The following THADA variants were observed in gnomAD, a reference collection of about 807,000 sequenced individuals.
The protein encoded by THADA is tRNA (32-2'-O)-methyltransferase regulator THADA.
In THADA, 213 loss-of-function variants were observed where a neutral mutation model predicts 219.8. That is an observed-to-expected ratio of 0.97 (90% CI 0.87 to 1.09). The LOEUF (loss-of-function observed/expected upper bound fraction) is 1.09, where lower values mean the gene tolerates loss of function less well. Ranked by LOEUF, THADA falls within the 50% of genes least tolerant of loss-of-function variation. The probability of loss-of-function intolerance (pLI) is 0.00; values close to 1 mark genes in which losing one functional copy is unlikely to be tolerated. For synonymous variants in THADA, 1,018 were observed against 828.9 expected, an observed-to-expected ratio of 1.23 and a Z score of -3.92; for missense variants, 2,956 against 2,311.3, an observed-to-expected ratio of 1.28 and a Z score of -5.72.
chr2:43,409,636 G>C (rs1010824534), intron 28 of THADA, among the ~76,000 whole-genome samples: 1 of 152,006 alleles, frequency 6.6e-6, no homozygotes, highest in Non-Finnish European at 1.5e-5. Flanking sequence ...TTTTCTTGCT[G>C]CAATTTAATT....
chr2:43,379,378 T>C lies in THADA; in HGVS notation c.4227+18593A>G, dbSNP rs546630431. On this transcript the variant is annotated intron_variant, in intron 29 of 37. Transcript: ENST00000405975. ...AAGAAGCAAAGAGAAATGTGATAAATAGAAAATGTGAAATAATAGAACCAA... is the reference window on the plus strand; with the variant it reads ...AAGAAGCAAAGAGAAATGTGATAAACAGAAAATGTGAAATAATAGAACCAA... 8.3e-4 allele frequency among the ~76,000 whole-genome samples: 126 copies of C among 152,090 alleles called. 1 individual carries two copies. The South Asian group carries it at 8.3e-3, about 10-fold the overall frequency.
In THADA at chr2:43,551,906, C is replaced by T. The variant is rs751092248; in HGVS notation, c.2830G>A (p.Glu944Lys). The change falls in exon 19 of 38, where the codon GAG (glutamate) becomes AAG (lysine). Residue 944 changes from glutamate to lysine, a missense_variant. Physicochemically the swap from Glu to Lys is moderately conservative, Grantham distance 56. Transcript: ENST00000405975. Reference protein sequence around the residue: ...LSLNSLQLVSEWRPVVEKLLL... With the variant: ...LSLNSLQLVSKWRPVVEKLLL... ...AGCTTCTCTACCACAGGTCTCCACT[C>T]GCTCACCAACTGCAGGCTGCTGCAA... The T allele has an allele frequency of 2.1e-5, 34 of 1,613,218 alleles. No homozygotes were observed. The South Asian group carries it at 2.6e-4, about 13-fold the overall frequency.
At chr2:43,534,995 C>A (rs1405694730) in intron 21 of THADA, among the ~76,000 whole-genome samples, 1 of 152,026 alleles carries the variant, frequency 6.6e-6, no homozygotes, top group Non-Finnish European at 1.5e-5. Flanking sequence ...CTCCACATTC[C>A]TGCCATCATT....
At chr2:43,566,160 A>G in intron 15 of THADA, 1 of 348,420 alleles carries the variant, frequency 2.9e-6, no homozygotes, top group Non-Finnish European at 5.2e-6. Flanking sequence ...TCAAAGAGGG[A>G]ACTGAAATTT....
At chr2:43,415,724 T>C (rs1327155030) in intron 28 of THADA, among the ~76,000 whole-genome samples, 1 of 152,010 alleles carries the variant, frequency 6.6e-6, no homozygotes, top group Non-Finnish European at 1.5e-5. Context: ...CCGAGGTTCA[T>C]ATCTAGGGCC....
Position 43,292,790 on chromosome 2 carries a change from A to G in THADA, c.4818+44T>C. The stretch of plus-strand genomic sequence containing the variant: ...TACCATTCCAGTGGCTCACAAAAGA[A>G]TGTGGGGAGTGTAAAGGGCCAGTCA... On this transcript the variant is annotated intron_variant, in intron 32 of 37. Coordinates refer to ENST00000405975, the MANE Select transcript of THADA (RefSeq NM_022065.5). 2.5e-6 allele frequency: 4 copies of G among 1,576,782 alleles called. No individual in the cohort carries two copies. In the Middle Eastern group the frequency reaches 6.8e-4, roughly 268 times the overall value.
chr2:43,590,724 C>A, intron 4 of THADA, 100 bp downstream of exon 4: 2 of 1,206,664 alleles, frequency 1.7e-6, no homozygotes, highest in Non-Finnish European at 2.3e-6. Flanking sequence ...TTTTTGTGAT[C>A]TGTATCAGTT....
Position 43,592,319 on chromosome 2 carries a change from T to G in THADA, c.74A>C (p.Lys25Thr), listed in dbSNP as rs780683695. 6.2e-7 allele frequency: 1 copy of G among 1,600,874 alleles called. No homozygotes were observed. Among genetic ancestry groups the G allele is most frequent in the Admixed American group, 1.7e-5 (1 of 57,796 alleles). ...TICHQDLETL[K>T]SFADVEGKNL... ...AAGGGAAACCAGAAGTCACCTACAT[T>G]TCAAAGTTTCAAGGTCCTGATGGCA... The change falls in exon 2 of 38, where the codon AAA (lysine) becomes ACA (threonine). Residue 25 changes from lysine (K) to threonine (T), a missense_variant and splice_region_variant. By Grantham distance (78) the Lys-to-Thr change is moderately conservative. Transcript: ENST00000405975.
chr2:43,575,971 G>A (rs1699814868), intron 10 of THADA, among the ~76,000 whole-genome samples: 1 of 152,200 alleles, frequency 6.6e-6, no homozygotes, highest in African/African-American at 2.4e-5. Flanking sequence ...CAGAAATGTT[G>A]ATAAGGATCA....
At chr2:43,455,245 T>A (rs576395626) in intron 26 of THADA, among the ~76,000 whole-genome samples, 218 of 152,326 alleles carry the variant, frequency 1.4e-3, no homozygotes, top group Non-Finnish European at 1.9e-3. Context: ...TCATATTTTT[T>A]AATTTTCTAA....
chr2:43,460,120 C>T (rs1683450159), intron 26 of THADA, among the ~76,000 whole-genome samples: 1 of 151,508 alleles, frequency 6.6e-6, no homozygotes. Flanking sequence ...ACTGTCAAGG[C>T]ATAATCCCAC....
chr2:43,448,760 C>G (rs912302850), intron 26 of THADA, among the ~76,000 whole-genome samples: 1 of 151,734 alleles, frequency 6.6e-6, no homozygotes, highest in East Asian at 1.9e-4. Flanking sequence ...TCAGGCAGAC[C>G]CCCTGACACA....
chr2:43,549,909 C>T (rs990069652), intron 19 of THADA, among the ~76,000 whole-genome samples: 2 of 152,170 alleles, frequency 1.3e-5, no homozygotes, highest in East Asian at 3.8e-4. Flanking sequence ...AACCCATCAA[C>T]AGCAAAAACA....
At chr2:43,448,194 A>T (rs1315863884) in intron 26 of THADA, among the ~76,000 whole-genome samples, 1 of 152,248 alleles carries the variant, frequency 6.6e-6, no homozygotes, top group Non-Finnish European at 1.5e-5. Flanking sequence ...CTGCACTGGC[A>T]GAATGGGTCT....
chr2:43,508,189 A>G (rs946778857), intron 23 of THADA, among the ~76,000 whole-genome samples: 9 of 152,158 alleles, frequency 5.9e-5, no homozygotes, highest in African/African-American at 2.2e-4. Flanking sequence ...GTCAGCTACT[A>G]TTATGATCAT....
At chr2:43,331,741 G>A (rs1178791373) in intron 30 of THADA, among the ~76,000 whole-genome samples, 5 of 151,862 alleles carry the variant, frequency 3.3e-5, no homozygotes, top group East Asian at 1.9e-4. Context: ...CTGCTCTACC[G>A]CCCATCTCAA....
intron 34 of THADA, among the ~76,000 whole-genome samples, chr2:43,287,975 G>A (rs558997584): frequency 2.0e-5 from 3 of 152,224 alleles, no homozygotes; most frequent in African/African-American, 7.2e-5. Context: ...GAGCAAACAG[G>A]TGGGACCCTA....
rs554564098 is a variant in THADA at position 43,546,791 on chromosome 2, T to C, written c.3106+2419A>G. 1.5e-4 allele frequency among the ~76,000 whole-genome samples: 23 copies of C among 152,348 alleles called. No individual in the cohort carries two copies. In the South Asian group the frequency reaches 3.9e-3, roughly 26 times the overall value. ...CTGCACATGAGATGGGTTTCCTGAA[T>C]ACAGCACACTGATGGGTCTTGACTC... On this transcript the variant is annotated intron_variant, in intron 20 of 37. Coordinates refer to ENST00000405975, the MANE Select transcript of THADA (RefSeq NM_022065.5).
chr2:43,504,265 A>C (rs1201964313), intron 24 of THADA, among the ~76,000 whole-genome samples: 1 of 152,150 alleles, frequency 6.6e-6, no homozygotes, highest in Non-Finnish European at 1.5e-5. Context: ...TTTTTTAAAG[A>C]AATAAAGACA....
Sources: gnomAD v4.1 joint callset for allele counts (sites outside exome capture counted in the v4.1 genomes callset) on GRCh38, gnomAD v4.1.1 for gene constraint, MANE v1.5 for transcripts, NCBI Gene and HGNC (gene_info 2026-07-23, HGNC 2026-07-21) for gene names.